The following LMOD1 variants were observed in gnomAD, a reference collection of about 807,000 sequenced individuals.
LMOD1 encodes the protein leiomodin-1.
In LMOD1, 8 loss-of-function variants were observed where a neutral mutation model predicts 36.5. That is an observed-to-expected ratio of 0.22 (90% confidence interval 0.13 to 0.40). The LOEUF (loss-of-function observed/expected upper bound fraction) is 0.40, where lower values mean the gene tolerates loss of function less well. Among genes scored for constraint, LMOD1 ranks in the 10% least tolerant of loss-of-function variants. The probability of loss-of-function intolerance (pLI) is 1.00; values close to 1 mark genes in which losing one functional copy is unlikely to be tolerated. For missense variants in LMOD1, 630 were observed against 751.1 expected, an observed-to-expected ratio of 0.84 and a Z score of 1.88; for synonymous variants, 284 against 288.7, an observed-to-expected ratio of 0.98 and a Z score of 0.17.
At chr1:201,927,784 G>T (rs972179895) in intron 1 of LMOD1, among the ~76,000 whole-genome samples, 1 of 152,116 alleles carries the variant, frequency 6.6e-6, no homozygotes, top group Non-Finnish European at 1.5e-5. Context: ...GACAATTTAA[G>T]CCCTTACTGC....
In LMOD1 at chr1:201,897,137, G is replaced by A; in HGVS notation, c.*1235C>T. ...AGTGGAATTGGTGAGCAGGTGGGGA[G>A]GGCTGGGGAAGATGAGGCCCCTCTG... On this transcript the variant is annotated 3_prime_UTR_variant, in exon 3 of 3. Transcript: ENST00000367288. 4.0e-6 allele frequency: 1 copy of A among 248,742 alleles called. No individual in the cohort carries two copies. Among genetic ancestry groups the A allele is most frequent in the South Asian group, 4.9e-5 (1 of 20,616 alleles). The allele number at this position is 248,742 out of a possible 1,614,324, so 15.4% of individuals were successfully genotyped here.
At chr1:201,941,458 A>T (rs1682113428) in intron 1 of LMOD1, among the ~76,000 whole-genome samples, 1 of 152,156 alleles carries the variant, frequency 6.6e-6, no homozygotes, top group Admixed American at 6.6e-5. Flanking sequence ...CCCTGGGTCA[A>T]CAGGCCCCCG....
chr1:201,940,028 G>A (rs1049113951), intron 1 of LMOD1, among the ~76,000 whole-genome samples: 7 of 152,174 alleles, frequency 4.6e-5, no homozygotes, highest in Non-Finnish European at 1.0e-4. Flanking sequence ...CTTCTCTGAT[G>A]CTGGGAGCAA....
At chr1:201,912,889 A>C (rs1165978481) in intron 1 of LMOD1, among the ~76,000 whole-genome samples, 5 of 152,090 alleles carry the variant, frequency 3.3e-5, no homozygotes, top group Non-Finnish European at 1.5e-5. Flanking sequence ...AAACGAAAAC[A>C]AAAACAAACT....
At chr1:201,923,336 C>T (rs573913437) in intron 1 of LMOD1, among the ~76,000 whole-genome samples, 2 of 152,206 alleles carry the variant, frequency 1.3e-5, no homozygotes, top group East Asian at 1.9e-4. Context: ...AGATGCATCT[C>T]CCATTCAGAT....
At chr1:201,945,341 C>A (rs1682185600) in intron 1 of LMOD1, among the ~76,000 whole-genome samples, 1 of 152,192 alleles carries the variant, frequency 6.6e-6, no homozygotes, top group Admixed American at 6.5e-5. Flanking sequence ...CTTCAACCCC[C>A]AGCAAAGCGG....
Position 201,899,209 on chromosome 1 carries a change from C to G in LMOD1, c.1776+28G>C. ...CCTCCAGGCCCTACCCAGCCCCGCC[C>G]TGTTGGCTCATGCCCACAACTACTT... On this transcript the variant is annotated intron_variant, in intron 2 of 2. Coordinates refer to ENST00000367288, the MANE Select transcript of LMOD1 (RefSeq NM_012134.3). The surrounding 1 kb of genome is among the most constrained non-coding windows in gnomAD (Gnocchi z 6.3). 6.4e-7 allele frequency: 1 copy of G among 1,553,904 alleles called. No homozygotes were observed. The highest frequency in any genetic ancestry group is 8.7e-7 in the Non-Finnish European group (1 of 1,146,790).
At chr1:201,932,370 A>G (rs1422686809) in intron 1 of LMOD1, among the ~76,000 whole-genome samples, 2 of 152,084 alleles carry the variant, frequency 1.3e-5, no homozygotes, top group Non-Finnish European at 2.9e-5. Flanking sequence ...GAAGTGTCCA[A>G]ATCTCGATAG....
Position 201,899,924 on chromosome 1 carries a change from C to G in LMOD1, c.1089G>C (p.Leu363=). The change falls in exon 2 of 3, where the codon CTG becomes CTC. Residue 363 remains leucine (L), a synonymous_variant. Coordinates refer to ENST00000367288, the MANE Select transcript of LMOD1 (RefSeq NM_012134.3). The surrounding 1 kb of genome is among the most constrained non-coding windows in gnomAD (Gnocchi z 6.3). The stretch of plus-strand genomic sequence containing the variant: ...CGGCTCGCGTGTTGGCCAAGGCGAA[C>G]AGCTTAACCACAGTGTTGAACTCCA... ...EALEFNTVVK[L]FALANTRADD... is the part of the protein sequence containing the mutation. The G allele has an allele frequency of 2.5e-6, 4 of 1,613,986 alleles. No homozygotes were observed. Among genetic ancestry groups the G allele is most frequent in the Middle Eastern group, 1.6e-4 (1 of 6,062 alleles).
chr1:201,916,802 C>T (rs762611763), intron 1 of LMOD1, among the ~76,000 whole-genome samples: 12 of 152,054 alleles, frequency 7.9e-5, no homozygotes, highest in South Asian at 4.2e-4. Flanking sequence ...ACATCAGCCC[C>T]GGTGATAAAC....
At position 201,899,406 on chromosome 1, in the gene LMOD1, G is replaced by C. The variant is rs1558233786; in HGVS notation, c.1607C>G (p.Pro536Arg). ...KKGGAPAAPP[P>R]PPPPLAPPLI... ...GGGTGGAGCCAAGGGAGGGGGAGGG[G>C]GTGGTGGGGCAGCTGGAGCACCCCC... Residue 536 changes from proline (P) to arginine (R), a missense_variant, in exon 2 of 3, where the codon CCC becomes CGC. Pro to Arg is a moderately radical substitution (Grantham distance 103). Transcript: ENST00000367288. This position sits in a 1 kb window ranked among gnomAD's most constrained non-coding sequence, Gnocchi z 6.3. The C allele has an allele frequency of 6.2e-7, 1 of 1,613,112 alleles. No homozygotes were observed.
chr1:201,926,737 C>A (rs1681831607), intron 1 of LMOD1, among the ~76,000 whole-genome samples: 1 of 152,240 alleles, frequency 6.6e-6, no homozygotes, highest in African/African-American at 2.4e-5. Flanking sequence ...AAAACTGAAG[C>A]AGGGAGCCGT....
chr1:201,914,876 C>T (rs1015646158), intron 1 of LMOD1, among the ~76,000 whole-genome samples: 1 of 151,988 alleles, frequency 6.6e-6, no homozygotes, highest in Non-Finnish European at 1.5e-5. Context: ...CCATCTCTCC[C>T]GGTTAATCAG....
Position 201,900,374 on chromosome 1 carries a change from C to T in LMOD1, c.639G>A (p.Glu213=), listed in dbSNP as rs753597320. 1.9e-6 allele frequency: 3 copies of T among 1,561,074 alleles called. No individual in the cohort carries two copies. The highest frequency in any genetic ancestry group is 2.4e-5 in the East Asian group (1 of 41,616). The change falls in exon 2 of 3, where the codon GAG becomes GAA. Residue 213 remains glutamate, a synonymous_variant. Coordinates refer to ENST00000367288, the MANE Select transcript of LMOD1 (RefSeq NM_012134.3). ...TCTCATCATCCTCTTTCTTGGCCAC[C>T]TCCTTCATCTCCTCTCTCTTTTTAT... ...DKDKKREEMK[E]VAKKEDDEKV...
At position 201,900,692 on chromosome 1, in the gene LMOD1, A is replaced by G. The variant is rs749142083; in HGVS notation, c.321T>C (p.Asp107=). The G allele has an allele frequency of 1.6e-5, 26 of 1,613,364 alleles. No individual in the cohort carries two copies. Among genetic ancestry groups the G allele is most frequent in the South Asian group, 1.3e-4 (12 of 91,018 alleles). ...TGGGGCCCAGGGCTTTTTTGCTGGC[A>G]TCTCTGCCCCTTTCCTCTCCATTCT... is the stretch of plus-strand genomic sequence containing the variant. ...DAKNGEERGR[D]ASKKALGPRR... Residue 107 remains aspartate, a synonymous_variant, in exon 2 of 3, where the codon GAT becomes GAC. Coordinates refer to ENST00000367288, the MANE Select transcript of LMOD1 (RefSeq NM_012134.3).
In LMOD1 at chr1:201,900,637, T is replaced by C. The variant is rs1409676149; in HGVS notation, c.376A>G (p.Lys126Glu). ...AAGCTTTTCTTTAAACCACCCCTCT[T>C]TGGCTCCTTCCCCAGATCTGAGTCC... ...RRDSDLGKEPKRGGLKKSFSR... is the reference protein window; with the variant it reads ...RRDSDLGKEPERGGLKKSFSR... The change falls in exon 2 of 3, where the codon AAG becomes GAG. Residue 126 changes from lysine to glutamate, a missense_variant. Transcript: ENST00000367288. 6 of 1,613,794 alleles carry C rather than the reference T, an allele frequency of 3.7e-6. No individual in the cohort carries two copies. The highest frequency in any genetic ancestry group is 3.3e-5 in the Admixed American group (2 of 59,982).
intron 1 of LMOD1, among the ~76,000 whole-genome samples, chr1:201,901,664 A>ATATATATATACACATATATATATGTG (rs1434959156): frequency 9.5e-6 from 1 of 105,030 alleles, no homozygotes; most frequent in African/African-American, 3.7e-5. Context: ...ATATGTGTAT[A>ATATATATATACACATATATATATGTG]TATATATATA....
At chr1:201,901,277 G>A (rs1681294862) in intron 1 of LMOD1, among the ~76,000 whole-genome samples, 1 of 151,780 alleles carries the variant, frequency 6.6e-6, no homozygotes, top group Non-Finnish European at 1.5e-5. Flanking sequence ...GGCTGAGGCA[G>A]GTGGATCACC....
chr1:201,929,346 T>C (rs1396361205), intron 1 of LMOD1, among the ~76,000 whole-genome samples: 1 of 151,982 alleles, frequency 6.6e-6, no homozygotes, highest in Non-Finnish European at 1.5e-5. Flanking sequence ...CATACCAAAG[T>C]GCTGGGATTA....
Sources: allele counts gnomAD v4.1 joint callset (sites outside exome capture counted in the v4.1 genomes callset), GRCh38; gene constraint gnomAD v4.1.1; non-coding constraint Gnocchi (gnomAD v3.1); transcripts MANE v1.5; gene names NCBI Gene and HGNC (gene_info 2026-07-23, HGNC 2026-07-21).